Variants in DCDC2C observed in about 807,000 individuals in gnomAD.
DCDC2C encodes the protein doublecortin domain containing 2C, also known as doublecortin domain-containing protein 2C.
A neutral mutation model predicts 45.0 loss-of-function variants in DCDC2C; 44 were observed. The observed-to-expected ratio is 0.98, with a 90% CI of 0.77 to 1.26. The LOEUF is 1.26. DCDC2C is among the 50% of genes most tolerant of loss of function. The pLI, the probability that DCDC2C is intolerant of heterozygous loss-of-function variation, is 0.00. For missense variants in DCDC2C, 447 were observed against 468.9 expected (o/e 0.95, Z 0.43); for synonymous variants, 187 against 178.8 (o/e 1.05, Z -0.37).
intron 10 of DCDC2C, among the ~76,000 whole-genome samples, chr2:3,795,319 C>G (rs1206082672): frequency 7.0e-6 from 1 of 142,786 alleles, no homozygotes; most frequent in Non-Finnish European, 1.5e-5. Context: ...TGTAGGTTGC[C>G]TGTTCACTCT....
chr2:3,735,630 T>C (rs1669003038), intron 3 of DCDC2C, among the ~76,000 whole-genome samples: 1 of 152,164 alleles, frequency 6.6e-6, no homozygotes, highest in African/African-American at 2.4e-5. Context: ...CCTTGAGGCA[T>C]AACGGTCCAG....
intron 10 of DCDC2C, among the ~76,000 whole-genome samples, chr2:3,787,789 A>G (rs1670692428): frequency 6.6e-6 from 1 of 152,188 alleles, no homozygotes; most frequent in Admixed American, 6.5e-5. Context: ...TCCATTTTAA[A>G]TTTACTTTTT....
chr2:3,754,520 G>T, intron 5 of DCDC2C, 72 bp from the exon 6 acceptor site: 4 of 1,466,002 alleles, frequency 2.7e-6, no homozygotes, highest in Non-Finnish European at 3.7e-6. Flanking sequence ...AGACAAGGCT[G>T]CAGTCTGCAT....
intron 10 of DCDC2C, among the ~76,000 whole-genome samples, chr2:3,822,946 C>T (rs953181371): frequency 5.3e-5 from 8 of 152,228 alleles, no homozygotes; most frequent in African/African-American, 1.9e-4. Context: ...AGTTTCCCTG[C>T]ACACACTCTC....
chr2:3,722,000 T>C (rs891536639), intron 2 of DCDC2C, among the ~76,000 whole-genome samples: 2 of 152,236 alleles, frequency 1.3e-5, no homozygotes, highest in East Asian at 1.9e-4. Flanking sequence ...AACAAACTAA[T>C]ACACTGTTAT....
chr2:3,799,984 G>C (rs1671072297), intron 10 of DCDC2C, among the ~76,000 whole-genome samples: 1 of 152,204 alleles, frequency 6.6e-6, no homozygotes, highest in African/African-American at 2.4e-5. Context: ...CTGCCTTGCA[G>C]TTTGATCTCA....
chr2:3,824,176 A>C (rs1475644465), intron 10 of DCDC2C, among the ~76,000 whole-genome samples: 1 of 152,180 alleles, frequency 6.6e-6, no homozygotes, highest in Non-Finnish European at 1.5e-5. Flanking sequence ...ATCTGGTCCC[A>C]TTGATTGTTG....
chr2:3,829,279 T>C (rs1671898411), intron 10 of DCDC2C, among the ~76,000 whole-genome samples: 1 of 116,892 alleles, frequency 8.6e-6, no homozygotes, highest in Non-Finnish European at 1.8e-5. Context: ...ATTAGATGTC[T>C]TTTTCTTTTT....
chr2:3,814,193 C>T (rs1264076033), intron 10 of DCDC2C, among the ~76,000 whole-genome samples: 1 of 152,126 alleles, frequency 6.6e-6, no homozygotes. Context: ...GATGATGTCC[C>T]ATATTTCTTG....
At chr2:3,766,129 G>A (rs950572227) in intron 6 of DCDC2C, among the ~76,000 whole-genome samples, 1 of 152,158 alleles carries the variant, frequency 6.6e-6, no homozygotes, top group African/African-American at 2.4e-5. Context: ...TGCAGTGCCC[G>A]GGGTGGTGGG....
intron 10 of DCDC2C, among the ~76,000 whole-genome samples, chr2:3,829,947 G>C (rs1304898738): frequency 2.6e-5 from 4 of 152,222 alleles, no homozygotes; most frequent in South Asian, 2.1e-4. Flanking sequence ...GCCGCTCTAA[G>C]TCTTAGCTTC....
At chr2:3,810,058 G>A (rs138701077) in intron 10 of DCDC2C, among the ~76,000 whole-genome samples, 17,732 of 152,212 alleles carry the variant, frequency 0.12, 1,324 homozygotes, top group East Asian at 0.18. Context: ...AAACATACGT[G>A]TGCATGTTTC....
At chr2:3,788,630 G>T (rs1670717772) in intron 10 of DCDC2C, 1 of 152,156 alleles carries the variant, frequency 6.6e-6, no homozygotes, top group South Asian at 2.1e-4. Flanking sequence ...ATTGATTTGT[G>T]ACATGGTCTA....
At chr2:3,753,647 C>T (rs1293451501) in intron 5 of DCDC2C, among the ~76,000 whole-genome samples, 1 of 152,168 alleles carries the variant, frequency 6.6e-6, no homozygotes, top group Non-Finnish European at 1.5e-5. Flanking sequence ...GTTTGAACAC[C>T]ATGCAGGTGG....
At chr2:3,801,834 C>T (rs1671122763) in intron 10 of DCDC2C, among the ~76,000 whole-genome samples, 2 of 152,252 alleles carry the variant, frequency 1.3e-5, no homozygotes, top group Admixed American at 6.5e-5. Flanking sequence ...TCCAGATACC[C>T]TCTGCCTCCC....
chr2:3,766,315 C>T (rs1670011916), intron 6 of DCDC2C, among the ~76,000 whole-genome samples: 1 of 151,012 alleles, frequency 6.6e-6, no homozygotes, highest in Admixed American at 6.6e-5. Flanking sequence ...CACACGCACA[C>T]ACACACACAC....
intron 10 of DCDC2C, among the ~76,000 whole-genome samples, chr2:3,797,718 C>T (rs1013836386): frequency 2.0e-5 from 3 of 151,960 alleles, no homozygotes; most frequent in Non-Finnish European, 2.9e-5. Flanking sequence ...AGTTTGATTG[C>T]ACTGTGGTCT....
chr2:3,820,731 G>A (rs1223254531), intron 10 of DCDC2C, among the ~76,000 whole-genome samples: 1 of 152,160 alleles, frequency 6.6e-6, no homozygotes, highest in African/African-American at 2.4e-5. Flanking sequence ...GCAAGAGAGG[G>A]AGATTGAAGG....
chr2:3,834,369 C>T lies in DCDC2C; in HGVS notation c.1066-12785C>T, dbSNP rs570045678. ...ATCCACTCCCTTGTCCCCTACAAAC[C>T]TGTTGTAATCACTGTACAATGGGTC... On this transcript the variant is annotated intron_variant, in intron 10 of 10. Coordinates refer to ENST00000399143, the MANE Select transcript of DCDC2C (RefSeq NM_001287444.2). Among the ~76,000 whole-genome samples the T allele has an allele frequency of 7.9e-5, 12 of 152,352 alleles. No individual in the cohort carries two copies. In the South Asian group the frequency reaches 1.0e-3, roughly 13 times the overall value.
Sources: allele counts gnomAD v4.1 joint callset (sites outside exome capture counted in the v4.1 genomes callset), GRCh38; gene constraint gnomAD v4.1.1; transcripts MANE v1.5; gene names NCBI Gene and HGNC (gene_info 2026-07-23, HGNC 2026-07-21).